The following ELP1 variants were observed in gnomAD, a reference collection of about 807,000 sequenced individuals.
ELP1 encodes the protein elongator complex protein 1.
ELP1 carries 131 observed loss-of-function variants against 183.2 expected under a neutral mutation model. The ratio of observed to expected loss-of-function variants is 0.72; its 90% CI spans 0.62 to 0.83. The LOEUF is 0.83. Ranked by LOEUF, ELP1 falls within the 40% of genes least tolerant of loss-of-function variation. The pLI is 0.00. For synonymous variants in ELP1, 555 were observed against 569.0 expected (o/e 0.98, Z 0.35); for missense variants, 1,550 against 1,594.9 (o/e 0.97, Z 0.48).
chr9:108,893,963 A>C lies in ELP1; in HGVS notation c.2840T>G (p.Ile947Ser). The change falls in exon 26 of 37, where the codon ATT (isoleucine) becomes AGT (serine). Residue 947 changes from isoleucine to serine, a missense_variant. Transcript: ENST00000374647. ...CTTACCACATTTGCTGAGGTGGCCA[A>C]TGGCTTTTTCATATCGTTTCAAGTA... Reference protein sequence around the residue: ...DKYLKRYEKAIGHLSKCGPEY... With the variant: ...DKYLKRYEKASGHLSKCGPEY... The C allele has an allele frequency of 6.2e-7, 1 of 1,613,806 alleles. No homozygotes were observed. The highest frequency in any genetic ancestry group is 8.5e-7 in the Non-Finnish European group (1 of 1,179,810).
rs760724625 is a variant in ELP1, at chr9:108,903,718, A to G, written c.1644-49T>C. The G allele has an allele frequency of 4.6e-6, 6 of 1,318,570 alleles. No individual in the cohort carries two copies. The Admixed American group carries it at 1.0e-4, about 22-fold the overall frequency. The allele number at this position is 1,318,570 out of a possible 1,614,324, so 81.7% of individuals were successfully genotyped here. A position where few individuals can be genotyped will look rare whatever the true frequency, so the allele number is the denominator to read the frequency against. On this transcript the variant is annotated intron_variant, in intron 14 of 36. Coordinates refer to ENST00000374647, the MANE Select transcript of ELP1 (RefSeq NM_003640.5). ...GTGTAAACAGACCATTTTTCTCAAA[A>G]ATAGTGACATTTCACTGATTTTGAA...
chr9:108,871,594 C>A (rs1827463473), intron 36 of ELP1, among the ~76,000 whole-genome samples: 1 of 152,140 alleles, frequency 6.6e-6, no homozygotes, highest in Non-Finnish European at 1.5e-5. Flanking sequence ...ACCTGACTGC[C>A]TTTGCTGCTG....
At chr9:108,908,218 G>T in intron 13 of ELP1, 87 bp downstream of exon 13, 1 of 947,600 alleles carries the variant, frequency 1.1e-6, no homozygotes, top group Non-Finnish European at 1.7e-6. Context: ...CTCAGCAACA[G>T]GCATAGAACT....
chr9:108,900,541 G>A (rs1439165840), intron 18 of ELP1, among the ~76,000 whole-genome samples, 166 bp from the exon 19 acceptor site: 1 of 152,170 alleles, frequency 6.6e-6, no homozygotes, highest in Non-Finnish European at 1.5e-5. Context: ...TGATGAACAC[G>A]CTCATCCCTG....
intron 3 of ELP1, 80 bp downstream of exon 3, chr9:108,929,689 G>T: frequency 7.0e-7 from 1 of 1,437,024 alleles, no homozygotes; most frequent in Non-Finnish European, 9.8e-7. Context: ...TATGGCTACT[G>T]ATTTGAAAAC....
chr9:108,881,727 G>A lies in ELP1; in HGVS notation c.3324C>T (p.Asn1108=), dbSNP rs372541751. Residue 1108 remains asparagine, a synonymous_variant, in exon 31 of 37, where the codon AAC becomes AAT. Transcript: ENST00000374647. ...KYNRLDIIET[N]VKPSILEAQK... The stretch of plus-strand genomic sequence containing the variant: ...CACCTTCTAAAATGGAAGGCTTTAC[G>A]TTGGTTTCTATAATATCCAGTCTGT... 43 of 1,583,198 alleles carry A rather than the reference G, an allele frequency of 2.7e-5. No individual in the cohort carries two copies. The highest frequency in any genetic ancestry group is 2.0e-4 in the South Asian group (18 of 90,392).
intron 6 of ELP1, among the ~76,000 whole-genome samples, chr9:108,920,623 GC>G (rs1045392271): frequency 2.0e-5 from 3 of 151,170 alleles, no homozygotes; most frequent in African/African-American, 7.3e-5. Flanking sequence ...CACTAGGAGA[GC>G]CCAGGCAGGG....
chr9:108,914,202 A>G (rs1186753902), intron 10 of ELP1, among the ~76,000 whole-genome samples: 1 of 152,054 alleles, frequency 6.6e-6, no homozygotes, highest in Non-Finnish European at 1.5e-5. Context: ...GATCGAGACC[A>G]TCCTGGCTAA....
At chr9:108,929,747 C>A (rs372412188) in intron 3 of ELP1, 22 bp downstream of exon 3, 1 of 1,613,090 alleles carries the variant, frequency 6.2e-7, no homozygotes, top group Non-Finnish European at 8.5e-7. Flanking sequence ...AGACTCCCCC[C>A]TCACTGGAGT....
At chr9:108,877,729 C>G (rs1402156209) in intron 35 of ELP1, among the ~76,000 whole-genome samples, 1 of 152,198 alleles carries the variant, frequency 6.6e-6, no homozygotes, top group African/African-American at 2.4e-5. Flanking sequence ...AGGCCAGGAG[C>G]AATCATGTGA....
Position 108,868,483 on chromosome 9 carries a change from C to G in ELP1, c.*632G>C, listed in dbSNP as rs1335859657. On this transcript the variant is annotated 3_prime_UTR_variant, in exon 37 of 37. Coordinates refer to ENST00000374647, the MANE Select transcript of ELP1 (RefSeq NM_003640.5). The stretch of plus-strand genomic sequence containing the variant: ...TTAGAAATTCTAATCTGTTCTAGCT[C>G]TAACATTGCTAACTCTCTAGCAGAA... The G allele has an allele frequency of 2.6e-6, 1 of 382,566 alleles. No homozygotes were observed. The highest frequency in any genetic ancestry group is 4.6e-6 in the Non-Finnish European group (1 of 215,090). The allele number at this position is 382,566 out of a possible 1,614,324, so 23.7% of individuals were successfully genotyped here. A position where few individuals can be genotyped will look rare whatever the true frequency, so the allele number is the denominator to read the frequency against.
At chr9:108,905,877 AC>A (rs1828998735) in intron 14 of ELP1, among the ~76,000 whole-genome samples, 5 of 149,594 alleles carry the variant, frequency 3.3e-5, no homozygotes, top group Admixed American at 6.6e-5. Flanking sequence ...ATACACACAC[AC>A]ACACACACAC....
chr9:108,873,318 G>A (rs1446478595), intron 36 of ELP1, among the ~76,000 whole-genome samples: 1 of 152,202 alleles, frequency 6.6e-6, no homozygotes, highest in Non-Finnish European at 1.5e-5. Flanking sequence ...TTGTGGGGAT[G>A]TGCCAATATA....
At chr9:108,883,540 C>T (rs1050690348) in intron 29 of ELP1, among the ~76,000 whole-genome samples, 16 of 129,658 alleles carry the variant, frequency 1.2e-4, no homozygotes, top group African/African-American at 3.9e-4. Flanking sequence ...TTTGAAAACT[C>T]GGAAAATACT....
chr9:108,871,442 G>C (rs1288413531), intron 36 of ELP1, among the ~76,000 whole-genome samples: 1 of 152,148 alleles, frequency 6.6e-6, no homozygotes, highest in East Asian at 1.9e-4. Context: ...ATCGACAATG[G>C]AACCAATCCA....
At chr9:108,879,838 T>C (rs1827852719) in intron 32 of ELP1, among the ~76,000 whole-genome samples, 1 of 152,166 alleles carries the variant, frequency 6.6e-6, no homozygotes, top group South Asian at 2.1e-4. Context: ...GGTGGGAATG[T>C]CTGGCAGAGC....
At chr9:108,870,993 T>TG (rs1827432165) in intron 36 of ELP1, among the ~76,000 whole-genome samples, 2 of 133,056 alleles carry the variant, frequency 1.5e-5, no homozygotes, top group Admixed American at 7.5e-5. Context: ...TTTTTTTTTT[T>TG]GTGCCAGATC....
intron 36 of ELP1, among the ~76,000 whole-genome samples, chr9:108,872,119 C>T (rs926126137): frequency 6.6e-6 from 1 of 152,190 alleles, no homozygotes; most frequent in Non-Finnish European, 1.5e-5. Flanking sequence ...TACGATATTA[C>T]ATTAAACGTG....
chr9:108,911,216 G>A (rs763608313), intron 11 of ELP1, 36 bp from the exon 12 acceptor site: 2 of 1,598,872 alleles, frequency 1.3e-6, no homozygotes, highest in Non-Finnish European at 1.7e-6. Flanking sequence ...TTAGACCTAG[G>A]GATATTCAAT....
Sources: allele counts gnomAD v4.1 joint callset (sites outside exome capture counted in the v4.1 genomes callset), GRCh38; gene constraint gnomAD v4.1.1; transcripts MANE v1.5; gene names NCBI Gene and HGNC (gene_info 2026-07-23, HGNC 2026-07-21).